Variants in EDIL3 observed in about 807,000 individuals in gnomAD.
EDIL3 encodes the protein EGF like and discoidin domains 3.
In EDIL3, 37 loss-of-function variants were observed where a neutral mutation model predicts 67.4. That is an observed-to-expected ratio of 0.55 (90% CI 0.42 to 0.72). The LOEUF is 0.72. Among genes scored for constraint, EDIL3 ranks in the 30% least tolerant of loss-of-function variants. The pLI is 0.00. For synonymous variants in EDIL3, 195 were observed against 196.3 expected, an observed-to-expected ratio of 0.99 and a Z score of 0.05; for missense variants, 527 against 586.3, an observed-to-expected ratio of 0.90 and a Z score of 1.04.
chr5:84,319,254 C>G lies in EDIL3; in HGVS notation c.68-65042G>C, dbSNP rs1432053283. ...TTGGGAGGCCGAGGCGGGCGGATCA[C>G]GAGGTCAGGAGATCGAGACCACGGT... On this transcript the variant is annotated intron_variant, in intron 1 of 10. Transcript: ENST00000296591. Among the ~76,000 whole-genome samples, 2 of 79,606 alleles carry G rather than the reference C, an allele frequency of 2.5e-5. 1 individual carries two copies. The highest frequency in any genetic ancestry group is 8.5e-5 in the African/African-American group (2 of 23,472). 52.2% of individuals were successfully genotyped at this position (79,606 alleles called of 152,430 possible).
intron 1 of EDIL3, among the ~76,000 whole-genome samples, chr5:84,323,281 A>G (rs1746686167): frequency 6.6e-6 from 1 of 152,004 alleles, no homozygotes; most frequent in Admixed American, 6.6e-5. Flanking sequence ...ATAAACAACT[A>G]AAGTGGTGAT....
At chr5:84,214,002 A>G (rs1403715279) in intron 3 of EDIL3, among the ~76,000 whole-genome samples, 1 of 152,122 alleles carries the variant, frequency 6.6e-6, no homozygotes, top group Non-Finnish European at 1.5e-5. Flanking sequence ...CTACATGACC[A>G]GTGCTGTCCT....
chr5:84,117,220 C>T (rs1481734849), intron 5 of EDIL3, among the ~76,000 whole-genome samples: 2 of 151,656 alleles, frequency 1.3e-5, no homozygotes, highest in Admixed American at 6.6e-5. Flanking sequence ...TTAGTAGAGA[C>T]GGGGTTTCAC....
At chr5:84,210,179 T>C (rs893891351) in intron 3 of EDIL3, among the ~76,000 whole-genome samples, 1 of 152,194 alleles carries the variant, frequency 6.6e-6, no homozygotes, top group Admixed American at 6.5e-5. Context: ...CAAAGCATTG[T>C]TTTAATCTAC....
chr5:83,965,217 C>T (rs916585381), intron 9 of EDIL3, among the ~76,000 whole-genome samples: 1 of 152,062 alleles, frequency 6.6e-6, no homozygotes, highest in African/African-American at 2.4e-5. Context: ...TCAGAAATTT[C>T]TAAAGCATCA....
chr5:84,163,724 C>T (rs1183134472), intron 4 of EDIL3, among the ~76,000 whole-genome samples: 7 of 151,888 alleles, frequency 4.6e-5, no homozygotes, highest in African/African-American at 1.7e-4. Flanking sequence ...CAGAAAAATG[C>T]ATAAGGAAAG....
intron 4 of EDIL3, among the ~76,000 whole-genome samples, chr5:84,163,061 C>T (rs920779199): frequency 2.0e-5 from 3 of 151,956 alleles, no homozygotes; most frequent in East Asian, 1.9e-4. Context: ...GCTTTTAAAT[C>T]GACCAAGACT....
intron 10 of EDIL3, among the ~76,000 whole-genome samples, chr5:83,958,802 A>G (rs1744558644): frequency 6.6e-6 from 1 of 151,502 alleles, no homozygotes; most frequent in African/African-American, 2.4e-5. Context: ...AGTAAAAAAC[A>G]GCTCCAAGTG....
At chr5:84,306,872 T>G (rs1366295022) in intron 1 of EDIL3, among the ~76,000 whole-genome samples, 1 of 152,212 alleles carries the variant, frequency 6.6e-6, no homozygotes. Flanking sequence ...CTATGTGACC[T>G]TAAACAAGCA....
intron 9 of EDIL3, among the ~76,000 whole-genome samples, chr5:84,024,650 G>T (rs1745779935): frequency 6.6e-6 from 1 of 152,036 alleles, no homozygotes; most frequent in Non-Finnish European, 1.5e-5. Flanking sequence ...TCTCTGACTT[G>T]GGGTCCAAGT....
intron 6 of EDIL3, among the ~76,000 whole-genome samples, chr5:84,105,016 T>G (rs1001676585): frequency 4.6e-5 from 7 of 152,120 alleles, no homozygotes; most frequent in Non-Finnish European, 8.8e-5. Flanking sequence ...TTCTGAATTT[T>G]GGCTATGAAT....
intron 3 of EDIL3, among the ~76,000 whole-genome samples, chr5:84,215,429 A>AT (rs2112394045): frequency 6.6e-6 from 1 of 151,748 alleles, no homozygotes; most frequent in East Asian, 2.0e-4. Context: ...AATTTTTTGT[A>AT]TTTTAGTAGA....
chr5:84,311,194 A>G (rs1316852009), intron 1 of EDIL3, among the ~76,000 whole-genome samples: 1 of 151,926 alleles, frequency 6.6e-6, no homozygotes, highest in African/African-American at 2.4e-5. Flanking sequence ...TTAATTGCTT[A>G]GTTTTAGGTT....
intron 4 of EDIL3, among the ~76,000 whole-genome samples, chr5:84,179,709 C>T (rs959672350): frequency 6.6e-6 from 1 of 152,174 alleles, no homozygotes; most frequent in African/African-American, 2.4e-5. Flanking sequence ...CATGTGGCAA[C>T]CTCTGTGAGA....
chr5:84,102,843 C>G (rs968606632), intron 6 of EDIL3, among the ~76,000 whole-genome samples: 1 of 151,914 alleles, frequency 6.6e-6, no homozygotes. Context: ...TATCAAACTC[C>G]CAATGACATT....
intron 9 of EDIL3, among the ~76,000 whole-genome samples, chr5:83,989,473 C>T (rs1745112543): frequency 6.6e-6 from 1 of 152,202 alleles, no homozygotes; most frequent in African/African-American, 2.4e-5. Flanking sequence ...TCAAAATATG[C>T]ATTGCTCCTT....
chr5:84,318,903 A>G (rs1024951092), intron 1 of EDIL3, among the ~76,000 whole-genome samples: 2 of 152,174 alleles, frequency 1.3e-5, no homozygotes, highest in Non-Finnish European at 2.9e-5. Flanking sequence ...TTTGTAATCT[A>G]TCCATCTGAC....
chr5:84,017,263 G>T (rs957130886), intron 9 of EDIL3, among the ~76,000 whole-genome samples: 1 of 152,102 alleles, frequency 6.6e-6, no homozygotes, highest in Non-Finnish European at 1.5e-5. Flanking sequence ...CCGGCAATGT[G>T]CCAGGCTGCT....
intron 2 of EDIL3, among the ~76,000 whole-genome samples, chr5:84,236,199 A>C (rs914936886): frequency 2.0e-5 from 3 of 152,056 alleles, no homozygotes; most frequent in African/African-American, 7.2e-5. Flanking sequence ...AACTAAAACT[A>C]AACTGAACAA....
Sources: allele counts gnomAD v4.1 joint callset (sites outside exome capture counted in the v4.1 genomes callset), GRCh38; gene constraint gnomAD v4.1.1; transcripts MANE v1.5; gene names NCBI Gene and HGNC (gene_info 2026-07-23, HGNC 2026-07-21).